The following PGM5 variants were observed in gnomAD, a reference collection of about 807,000 sequenced individuals.
PGM5 encodes the protein phosphoglucomutase 5.
PGM5 carries 23 observed loss-of-function variants against 59.2 expected under a neutral mutation model. The ratio of observed to expected loss-of-function variants is 0.39; its 90% CI spans 0.28 to 0.55. PGM5 has a LOEUF of 0.55. PGM5 is among the 20% of genes least tolerant of loss of function. PGM5 has a pLI of 0.66. For synonymous variants in PGM5, 214 were observed against 286.0 expected, an observed-to-expected ratio of 0.75 and a Z score of 2.54; for missense variants, 574 against 748.3, an observed-to-expected ratio of 0.77 and a Z score of 2.72.
intron 6 of PGM5, among the ~76,000 whole-genome samples, chr9:68,454,029 G>A (rs541223995): frequency 1.7e-4 from 26 of 152,216 alleles, no homozygotes; most frequent in Admixed American, 2.0e-4. Context: ...TCTGCTCCCC[G>A]TCCTGTAGAC....
chr9:68,393,810 A>G (rs1554679750), intron 6 of PGM5: 1 of 152,156 alleles, frequency 6.6e-6, no homozygotes, highest in Non-Finnish European at 1.5e-5. Flanking sequence ...GACCTGTATA[A>G]TAATATACAT....
At chr9:68,484,977 C>G (rs890557562) in intron 9 of PGM5, among the ~76,000 whole-genome samples, 1 of 152,116 alleles carries the variant, frequency 6.6e-6, no homozygotes, top group Non-Finnish European at 1.5e-5. Flanking sequence ...AAATAATGTG[C>G]CTTTTAAAGT....
At chr9:68,515,527 G>A (rs1487610106) in intron 10 of PGM5, among the ~76,000 whole-genome samples, 1 of 152,170 alleles carries the variant, frequency 6.6e-6, no homozygotes, top group Non-Finnish European at 1.5e-5. Context: ...TGTTCCTTCT[G>A]TTGTCAACAT....
At chr9:68,361,876 C>T (rs562932721) in intron 1 of PGM5, among the ~76,000 whole-genome samples, 3 of 152,010 alleles carry the variant, frequency 2.0e-5, no homozygotes, top group South Asian at 4.2e-4. Context: ...GTATTCACAT[C>T]CCATCATTAG....
intron 4 of PGM5, among the ~76,000 whole-genome samples, chr9:68,388,501 C>A (rs1318278751): frequency 6.6e-6 from 1 of 151,786 alleles, no homozygotes; most frequent in Non-Finnish European, 1.5e-5. Context: ...TCTTTTTACA[C>A]ATCTCTTATG....
At chr9:68,465,008 G>T (rs1016411678) in intron 6 of PGM5, 85 bp from the exon 7 acceptor site, 1 of 768,302 alleles carries the variant, frequency 1.3e-6, no homozygotes, top group Admixed American at 2.3e-5. Flanking sequence ...GGATTTAGTA[G>T]ATCCTAAAGA....
intron 9 of PGM5, 173 bp from the exon 10 acceptor site, chr9:68,499,054 C>A: frequency 1.5e-6 from 1 of 674,298 alleles, no homozygotes; most frequent in South Asian, 1.9e-5. Flanking sequence ...ATGGGTAACT[C>A]TAAGTAGGTT....
chr9:68,508,171 A>G (rs1049630626), intron 10 of PGM5, among the ~76,000 whole-genome samples: 1 of 152,090 alleles, frequency 6.6e-6, no homozygotes, highest in Non-Finnish European at 1.5e-5. Flanking sequence ...GCCCATCTCA[A>G]ATCTCTCTTT....
chr9:68,360,443 G>C (rs1554676202), intron 1 of PGM5, among the ~76,000 whole-genome samples: 2 of 150,770 alleles, frequency 1.3e-5, no homozygotes, highest in Non-Finnish European at 3.0e-5. Context: ...AGCCTTGGGA[G>C]AGCTATGGCA....
chr9:68,445,197 G>A (rs782803232), intron 6 of PGM5, among the ~76,000 whole-genome samples: 3 of 151,758 alleles, frequency 2.0e-5, no homozygotes, highest in South Asian at 4.2e-4. Flanking sequence ...ATCTTATCAG[G>A]ATTAGATAGG....
chr9:68,466,034 C>T (rs1011102668), intron 7 of PGM5: 21 of 638,652 alleles, frequency 3.3e-5, no homozygotes, highest in Non-Finnish European at 4.2e-5. Flanking sequence ...ATTTCTCCTT[C>T]CCCATTCTTT....
chr9:68,376,830 TTTCTC>T lies in PGM5; in HGVS notation c.262-1366_262-1362del, dbSNP rs1417431616. 7.4e-3 allele frequency among the ~76,000 whole-genome samples: 807 copies of T among 108,678 alleles called. 22 individuals carry two copies. The highest frequency in any genetic ancestry group is 0.019 in the African/African-American group (510 of 27,038). 71.3% of individuals were successfully genotyped at this position (108,678 alleles called of 152,430 possible). A position where few individuals can be genotyped will look rare whatever the true frequency, so the allele number is the denominator to read the frequency against. On this transcript the variant is annotated intron_variant, in intron 1 of 10. Transcript: ENST00000396396. The stretch of plus-strand genomic sequence containing the variant: ...CTTTCTTTCTTTCTTTCTTTCTTTC[TTTCTC>T]TTTCTTTCTTTCTTTCTCTTTCTTT...
chr9:68,467,671 C>T (rs1018433999), intron 7 of PGM5, among the ~76,000 whole-genome samples: 28 of 152,130 alleles, frequency 1.8e-4, no homozygotes, highest in East Asian at 5.8e-4. Flanking sequence ...TTTTAATCTA[C>T]GTTTCTCTTC....
chr9:68,361,641 A>G (rs1489128748), intron 1 of PGM5, among the ~76,000 whole-genome samples: 2 of 152,214 alleles, frequency 1.3e-5, no homozygotes, highest in Non-Finnish European at 2.9e-5. Context: ...GAGACTAGCT[A>G]GCTCTCTGGG....
intron 9 of PGM5, among the ~76,000 whole-genome samples, chr9:68,496,303 A>C (rs1554688145): frequency 6.6e-6 from 1 of 152,242 alleles, no homozygotes; most frequent in East Asian, 1.9e-4. Flanking sequence ...AAGAACATGC[A>C]GATCCCAAAG....
At chr9:68,391,108 A>G (rs1361547541) in intron 4 of PGM5, among the ~76,000 whole-genome samples, 5 of 152,134 alleles carry the variant, frequency 3.3e-5, no homozygotes, top group African/African-American at 9.6e-5. Context: ...AGTGGTTTAT[A>G]GTGTTTAATT....
intron 6 of PGM5, among the ~76,000 whole-genome samples, chr9:68,407,520 A>G (rs1202320383): frequency 6.6e-6 from 1 of 152,188 alleles, no homozygotes; most frequent in Admixed American, 6.5e-5. Context: ...GCTCCCATAG[A>G]ACACATATAG....
At chr9:68,369,380 C>T (rs1554676986) in intron 1 of PGM5, among the ~76,000 whole-genome samples, 1 of 152,204 alleles carries the variant, frequency 6.6e-6, no homozygotes, top group East Asian at 1.9e-4. Flanking sequence ...TCTTGACCCA[C>T]ACCCAGGTAG....
chr9:68,529,767 A>T lies in PGM5; in HGVS notation c.*111A>T, dbSNP rs1332602972. On this transcript the variant is annotated 3_prime_UTR_variant, in exon 11 of 11. Transcript: ENST00000396396. Reference sequence around the variant, plus strand: ...TCTTATGACTTTGGAAAAACAAAAGATATTTTGCTTTTGGGGGATAGAGGG... The same window carrying T: ...TCTTATGACTTTGGAAAAACAAAAGTTATTTTGCTTTTGGGGGATAGAGGG... 5 of 502,116 alleles carry T rather than the reference A, an allele frequency of 1.0e-5. No individual in the cohort carries two copies. The highest frequency in any genetic ancestry group is 2.1e-5 in the African/African-American group (1 of 48,262). 31.1% of individuals were successfully genotyped at this position (502,116 alleles called of 1,614,324 possible). A position where few individuals can be genotyped will look rare whatever the true frequency, so the allele number is the denominator to read the frequency against.
Sources: gnomAD v4.1 joint callset for allele counts (sites outside exome capture counted in the v4.1 genomes callset) on GRCh38, gnomAD v4.1.1 for gene constraint, MANE v1.5 for transcripts, NCBI Gene and HGNC (gene_info 2026-07-23, HGNC 2026-07-21) for gene names.